ATP8B3: variants seen among roughly 807,000 people sequenced by gnomAD.
ATP8B3 encodes the protein phospholipid-transporting ATPase IK.
Under a neutral mutation model 140.9 loss-of-function variants are expected in ATP8B3, and 141 were observed. That is an observed-to-expected ratio of 1.00 (90% CI 0.87 to 1.15). The LOEUF (loss-of-function observed/expected upper bound fraction) is 1.15, where lower values mean the gene tolerates loss of function less well. Among genes scored for constraint, ATP8B3 ranks in the 50% most tolerant of loss-of-function variants. The pLI is 0.00. For missense variants in ATP8B3, 1,874 were observed against 1,740.6 expected, an observed-to-expected ratio of 1.08 and a Z score of -1.36; for synonymous variants, 765 against 714.6, an observed-to-expected ratio of 1.07 and a Z score of -1.13.
chr19:1,785,051 C>T, intron 27 of ATP8B3, 105 bp from the exon 28 acceptor site: 2 of 1,493,890 alleles, frequency 1.3e-6, no homozygotes, highest in Non-Finnish European at 1.8e-6. Context: ...AAAGGAGCGC[C>T]TTCCCCAGGA....
chr19:1,806,010 G>A lies in ATP8B3; in HGVS notation c.751-52C>T, dbSNP rs898888059. 8.1e-6 allele frequency: 13 copies of A among 1,609,644 alleles called. No individual in the cohort carries two copies. Among genetic ancestry groups the A allele is most frequent in the Admixed American group, 1.7e-5 (1 of 59,772 alleles). On this transcript the variant is annotated intron_variant, in intron 8 of 28. Coordinates refer to ENST00000310127, the MANE Select transcript of ATP8B3 (RefSeq NM_138813.4). This position sits in a 1 kb window ranked among gnomAD's most constrained non-coding sequence, Gnocchi z 5.6. ...CAAGAGGGGATGCAAGACAAATTGG[G>A]GGTGCGGCAGCCCTCCCCACCCTGG... is the stretch of plus-strand genomic sequence containing the variant.
chr19:1,805,822 G>A lies in ATP8B3; in HGVS notation c.821+66C>T. 6.3e-7 allele frequency: 1 copy of A among 1,591,678 alleles called. No homozygotes were observed. Among genetic ancestry groups the A allele is most frequent in the East Asian group, 2.2e-5 (1 of 44,608 alleles). ...GCTGGCCGCCTCCTTGGTGACTGGGGAAGGGGGCTCCTCCGGGCCATGCTC... is the reference window on the plus strand; with the variant it reads ...GCTGGCCGCCTCCTTGGTGACTGGGAAAGGGGGCTCCTCCGGGCCATGCTC... On this transcript the variant is annotated intron_variant, in intron 9 of 28. Transcript: ENST00000310127. The surrounding 1 kb of genome is among the most constrained non-coding windows in gnomAD (Gnocchi z 5.2).
Position 1,791,822 on chromosome 19 carries a change from C to G in ATP8B3, c.2230G>C (p.Gly744Arg), listed in dbSNP as rs754222921. ...AGACATTTGATGGTTTCAGGGACAC[C>G]GTCCTGGAGTCTGTCCTCGATGGCT... Reference protein sequence around the residue: ...ATAIEDRLQDGVPETIKCLKK... With the variant: ...ATAIEDRLQDRVPETIKCLKK... The change falls in exon 20 of 29, where the codon GGT (glycine) becomes CGT (arginine). Residue 744 changes from glycine to arginine, a missense_variant. This residue lies in a region of ATP8B3 where 840 missense variants were observed against 760.9 expected (regional missense o/e 1.10). Transcript: ENST00000310127. 12 of 1,611,552 alleles carry G rather than the reference C, an allele frequency of 7.4e-6. No individual in the cohort carries two copies. The highest frequency in any genetic ancestry group is 1.0e-5 in the Non-Finnish European group (12 of 1,179,778).
chr19:1,797,468 T>TTTTA (rs5826746), intron 14 of ATP8B3, among the ~76,000 whole-genome samples: 36,117 of 142,176 alleles, frequency 0.25, 5,058 homozygotes, highest in Middle Eastern at 0.4. Flanking sequence ...TCTTTTTTAT[T>TTTTA]TTTATTTATT....
Position 1,801,951 on chromosome 19 carries a change from C to T in ATP8B3, c.1152+5G>A. On this transcript the variant is annotated splice_donor_5th_base_variant and intron_variant, in intron 12 of 28. Coordinates refer to ENST00000310127, the MANE Select transcript of ATP8B3 (RefSeq NM_138813.4). ...CTGGGGCAGGGGCACTTGTTGGCAG[C>T]TCACCACAACCACCAGCTTGTTCAT... The T allele has an allele frequency of 6.2e-7, 1 of 1,610,846 alleles. No homozygotes were observed.
rs1337166486 is a variant in ATP8B3, at chr19:1,791,808, G to A, written c.2244C>T (p.Thr748=). Residue 748 remains threonine, a synonymous_variant, in exon 20 of 29, where the codon ACC becomes ACT. Coordinates refer to ENST00000310127, the MANE Select transcript of ATP8B3 (RefSeq NM_138813.4). The part of the protein sequence containing the change: ...EDRLQDGVPE[T]IKCLKKSNIK... Reference sequence around the variant, plus strand: ...TGTTGCTCTTCTTGAGACATTTGATGGTTTCAGGGACACCGTCCTGGAGTC... The same window carrying A: ...TGTTGCTCTTCTTGAGACATTTGATAGTTTCAGGGACACCGTCCTGGAGTC... 4 of 1,611,764 alleles carry A rather than the reference G, an allele frequency of 2.5e-6. No individual in the cohort carries two copies. Among genetic ancestry groups the A allele is most frequent in the Non-Finnish European group, 1.7e-6 (2 of 1,179,842 alleles).
Position 1,796,227 on chromosome 19 carries a change from C to G in ATP8B3, c.1792G>C (p.Ala598Pro). 1 of 1,612,542 alleles carries G rather than the reference C, an allele frequency of 6.2e-7. No homozygotes were observed. Among genetic ancestry groups the G allele is most frequent in the East Asian group, 2.2e-5 (1 of 44,882 alleles). The change falls in exon 17 of 29, where the codon GCG becomes CCG. Residue 598 changes from alanine to proline, a missense_variant. Physicochemically the swap from Ala to Pro is conservative, Grantham distance 27 (BLOSUM62 -1). Transcript: ENST00000310127. ...LYQAASPDEG[A>P]LVTAARNFGY... ...AAGTTCCGGGCTGCGGTGACCAGCG[C>G]CCCCTCGTCGGGGGAGGCCGCCTGG...
intron 18 of ATP8B3, among the ~76,000 whole-genome samples, chr19:1,793,278 T>TA (rs2068571546): frequency 6.6e-6 from 1 of 151,936 alleles, no homozygotes; most frequent in South Asian, 2.1e-4. Flanking sequence ...TATATATATA[T>TA]TTTTTAAATA....
chr19:1,805,855 C>T lies in ATP8B3; in HGVS notation c.821+33G>A. 2 of 1,611,882 alleles carry T rather than the reference C, an allele frequency of 1.2e-6. No homozygotes were observed. The highest frequency in any genetic ancestry group is 2.2e-5 in the East Asian group (1 of 44,822). ...CTCCTCCGGGCCATGCTCCCCACCC[C>T]CCAGGGTCCCCAGCGATGCCACAGC... On this transcript the variant is annotated intron_variant, in intron 9 of 28. Coordinates refer to ENST00000310127, the MANE Select transcript of ATP8B3 (RefSeq NM_138813.4). The surrounding 1 kb of genome is among the most constrained non-coding windows in gnomAD (Gnocchi z 5.2).
chr19:1,796,666 C>G, intron 16 of ATP8B3, 45 bp downstream of exon 16: 2 of 1,586,972 alleles, frequency 1.3e-6, no homozygotes, highest in Non-Finnish European at 1.7e-6. Flanking sequence ...CTGCCGTGCC[C>G]CGGGGGCTGA....
In ATP8B3 at chr19:1,789,046, G is replaced by A. The variant is rs1326081801; in HGVS notation, c.2920C>T (p.Gln974Ter). 5 of 1,606,582 alleles carry A rather than the reference G, an allele frequency of 3.1e-6. No individual in the cohort carries two copies. The highest frequency in any genetic ancestry group is 1.3e-5 in the African/African-American group (1 of 74,826). Residue 974 changes from glutamine to a stop codon, truncating the protein, a stop_gained, in exon 24 of 29, where the codon CAG becomes TAG. Transcript: ENST00000310127. LOFTEE classifies it high-confidence loss of function. ...AGGAGGCGCTGCAGGAAGCAGAACT[G>A]GCCGAGCACGAAGTCGCTGTTCTGA... ...AVQNSDFVLG[Q>*]FCFLQRLLLV...
rs1451354785 is a variant in ATP8B3 at position 1,806,824 on chromosome 19, T to A, written c.616-135A>T. On this transcript the variant is annotated intron_variant, in intron 6 of 28. Transcript: ENST00000310127. The surrounding 1 kb of genome is among the most constrained non-coding windows in gnomAD (Gnocchi z 5.6). ...TCCGCTGGCCCCACGCCACGTTGCG[T>A]CTGCTCAGGGATCCCGGACGTGGGG... 9.8e-7 allele frequency: 1 copy of A among 1,019,140 alleles called. No homozygotes were observed. Among genetic ancestry groups the A allele is most frequent in the African/African-American group, 1.6e-5 (1 of 62,854 alleles). 63.1% of individuals were successfully genotyped at this position (1,019,140 alleles called of 1,614,324 possible).
At position 1,788,047 on chromosome 19, in the gene ATP8B3, G is replaced by A. The variant is rs1345117606; in HGVS notation, c.3069+850C>T. Among the ~76,000 whole-genome samples, 5 of 151,876 alleles carry A rather than the reference G, an allele frequency of 3.3e-5. No homozygotes were observed. In the South Asian group the frequency reaches 6.2e-4, roughly 19 times the overall value. On this transcript the variant is annotated intron_variant, in intron 24 of 28. Transcript: ENST00000310127. Reference sequence around the variant, plus strand: ...ACAGAGTGAGACTCTGTCTCAAAAGGTAATAATAATAAAAATAAAACAGAA... The same window carrying A: ...ACAGAGTGAGACTCTGTCTCAAAAGATAATAATAATAAAAATAAAACAGAA...
chr19:1,806,735 GC>G lies in ATP8B3; in HGVS notation c.616-47del. 6.5e-7 allele frequency: 1 copy of G among 1,542,296 alleles called. No individual in the cohort carries two copies. The highest frequency in any genetic ancestry group is 1.2e-5 in the South Asian group (1 of 83,916). ...TCAGAGAGACCGTCCAGCCTCTCCT[GC>G]CCCCGCCCAGGCCGCTGCCGCACTG... On this transcript the variant is annotated intron_variant, in intron 6 of 28. Coordinates refer to ENST00000310127, the MANE Select transcript of ATP8B3 (RefSeq NM_138813.4). This position sits in a 1 kb window ranked among gnomAD's most constrained non-coding sequence, Gnocchi z 5.6.
Position 1,785,645 on chromosome 19 carries a change from G to C in ATP8B3, c.3217C>G (p.Leu1073Val). 6.2e-7 allele frequency: 1 copy of C among 1,613,210 alleles called. No individual in the cohort carries two copies. The change falls in exon 26 of 29, where the codon CTC becomes GTC. Residue 1073 changes from leucine (L) to valine (V), a missense_variant. Physicochemically the swap from Leu to Val is conservative, Grantham distance 32 (BLOSUM62 1). This residue lies in a region of ATP8B3 where 840 missense variants were observed against 760.9 expected (regional missense o/e 1.10). Transcript: ENST00000310127. The part of the protein sequence containing the change: ...ELYVVGQKDE[L>V]FNYWVFVQAI... The stretch of plus-strand genomic sequence containing the variant: ...TGGACGAAGACCCAGTAGTTGAAGA[G>C]CTCGTCCTTCTGCCCCACCACGTAC...
intron 25 of ATP8B3, among the ~76,000 whole-genome samples, chr19:1,786,222 G>A (rs1456027741): frequency 1.3e-5 from 2 of 152,072 alleles, no homozygotes; most frequent in Non-Finnish European, 2.9e-5. Flanking sequence ...GTGCGCATGA[G>A]TCTGGCTGAG....
intron 24 of ATP8B3, 127 bp downstream of exon 24, chr19:1,788,770 C>T: frequency 2.2e-6 from 2 of 918,518 alleles, no homozygotes; most frequent in Non-Finnish European, 3.3e-6. Flanking sequence ...CATGTGGCCT[C>T]AGGCAAGCCC....
In ATP8B3 at chr19:1,806,830, C is replaced by T; in HGVS notation, c.616-141G>A. On this transcript the variant is annotated intron_variant, in intron 6 of 28. Coordinates refer to ENST00000310127, the MANE Select transcript of ATP8B3 (RefSeq NM_138813.4). This position sits in a 1 kb window ranked among gnomAD's most constrained non-coding sequence, Gnocchi z 5.6. Reference sequence around the variant, plus strand: ...GGCCCCACGCCACGTTGCGTCTGCTCAGGGATCCCGGACGTGGGGGCCACT... The same window carrying T: ...GGCCCCACGCCACGTTGCGTCTGCTTAGGGATCCCGGACGTGGGGGCCACT... 1.0e-6 allele frequency: 1 copy of T among 987,334 alleles called. No individual in the cohort carries two copies. Among genetic ancestry groups the T allele is most frequent in the Non-Finnish European group, 1.5e-6 (1 of 658,898 alleles). 61.2% of individuals were successfully genotyped at this position (987,334 alleles called of 1,614,324 possible).
chr19:1,790,919 GC>G, intron 20 of ATP8B3, 87 bp from the exon 21 acceptor site: 2 of 1,244,346 alleles, frequency 1.6e-6, no homozygotes. Flanking sequence ...GTGAATCCTG[GC>G]CCGACCAATG....
Sources: gnomAD v4.1 joint callset for allele counts (sites outside exome capture counted in the v4.1 genomes callset) on GRCh38, gnomAD v4.1.1 for gene constraint, gnomAD v4.1.1 regional missense constraint, Gnocchi (gnomAD v3.1) non-coding constraint, MANE v1.5 for transcripts, NCBI Gene and HGNC (gene_info 2026-07-23, HGNC 2026-07-21) for gene names.